Variants in SMAD9 observed in about 807,000 individuals in gnomAD.
SMAD9 encodes the protein SMAD family member 9, also known as MAD homolog 9.
A neutral mutation model predicts 46.1 loss-of-function variants in SMAD9; 36 were observed. The ratio of observed to expected loss-of-function variants is 0.78; its 90% CI spans 0.60 to 1.03. The LOEUF is 1.03. SMAD9 is among the 50% of genes least tolerant of loss of function. SMAD9 has a pLI of 0.00. For synonymous variants in SMAD9, 245 were observed against 237.1 expected, an observed-to-expected ratio of 1.03 and a Z score of -0.31; for missense variants, 572 against 599.8, an observed-to-expected ratio of 0.95 and a Z score of 0.48.
At chr13:36,891,359 C>G (rs2058487710) in intron 1 of SMAD9, among the ~76,000 whole-genome samples, 1 of 152,188 alleles carries the variant, frequency 6.6e-6, no homozygotes, top group Admixed American at 6.5e-5. Context: ...TTCAAAATCT[C>G]CATTGCCTAA....
chr13:36,878,639 T>C (rs2058370199), intron 2 of SMAD9, among the ~76,000 whole-genome samples: 1 of 152,218 alleles, frequency 6.6e-6, no homozygotes, highest in Non-Finnish European at 1.5e-5. Flanking sequence ...TTTTCAGACC[T>C]AGACATGAGA....
chr13:36,911,740 C>T (rs907740267), intron 1 of SMAD9, among the ~76,000 whole-genome samples: 4 of 144,386 alleles, frequency 2.8e-5, no homozygotes, highest in Non-Finnish European at 4.7e-5. Context: ...CAGAGTTTTG[C>T]TCTTGTTTCC....
At chr13:36,905,698 TG>T (rs1370449406) in intron 1 of SMAD9, among the ~76,000 whole-genome samples, 1 of 137,466 alleles carries the variant, frequency 7.3e-6, no homozygotes, top group Non-Finnish European at 1.5e-5. Context: ...CACTTGAGGC[TG>T]GGGAGTTCGA....
chr13:36,863,813 A>C (rs2058206335), intron 5 of SMAD9, among the ~76,000 whole-genome samples: 1 of 152,176 alleles, frequency 6.6e-6, no homozygotes, highest in South Asian at 2.1e-4. Context: ...AGCACATGCC[A>C]GTACAGCCTG....
chr13:36,848,931 A>T, intron 6 of SMAD9, 112 bp from the exon 7 acceptor site: 1 of 994,764 alleles, frequency 1.0e-6, no homozygotes, highest in Non-Finnish European at 1.5e-6. Context: ...AGCTCCTGAG[A>T]CCTGAGAGGG....
Position 36,879,460 on chromosome 13 carries a change from C to T in SMAD9, c.230G>A (p.Gly77Glu), listed in dbSNP as rs2058380950. The change falls in exon 2 of 7, where the codon GGG becomes GAG. Residue 77 changes from glycine (G) to glutamate (E), a missense_variant. By Grantham distance (98) the Gly-to-Glu change is moderately conservative. Transcript: ENST00000379826. Reference protein sequence around the residue: ...KCVTIPRSLDGRLQVSHRKGL... With the variant: ...KCVTIPRSLDERLQVSHRKGL... ...CTTGCGGTGGGACACCTGCAGCCGC[C>T]CGTCCAGGGAGCGGGGAATCGTGAC... 1 of 1,613,818 alleles carries T rather than the reference C, an allele frequency of 6.2e-7. No individual in the cohort carries two copies. The highest frequency in any genetic ancestry group is 8.5e-7 in the Non-Finnish European group (1 of 1,180,036).
chr13:36,918,999 G>C (rs192581684), intron 1 of SMAD9, among the ~76,000 whole-genome samples: 1 of 152,264 alleles, frequency 6.6e-6, no homozygotes, highest in Admixed American at 6.5e-5. Flanking sequence ...CCACCGAAAT[G>C]GTACTAGTAA....
chr13:36,913,289 T>C (rs2058675187), intron 1 of SMAD9, among the ~76,000 whole-genome samples: 1 of 152,196 alleles, frequency 6.6e-6, no homozygotes, highest in African/African-American at 2.4e-5. Context: ...CTAACTACAC[T>C]ATGAAATCCT....
intron 5 of SMAD9, among the ~76,000 whole-genome samples, chr13:36,862,977 T>C (rs2058197557): frequency 1.3e-5 from 2 of 152,342 alleles, no homozygotes; most frequent in Non-Finnish European, 2.9e-5. Flanking sequence ...CACTGTTGCA[T>C]CCCTCGTGTC....
At chr13:36,872,605 T>C in intron 3 of SMAD9, 53 bp downstream of exon 3, 1 of 1,587,802 alleles carries the variant, frequency 6.3e-7, no homozygotes, top group Non-Finnish European at 8.6e-7. Flanking sequence ...TCATAAATCA[T>C]GATGTTGGGC....
At chr13:36,866,752 A>C (rs1351399997) in intron 4 of SMAD9, among the ~76,000 whole-genome samples, 1 of 152,156 alleles carries the variant, frequency 6.6e-6, no homozygotes, top group Non-Finnish European at 1.5e-5. Flanking sequence ...AACAATGTAG[A>C]TTCTTGGACC....
At chr13:36,867,807 G>A (rs1185785612) in intron 3 of SMAD9, among the ~76,000 whole-genome samples, 1 of 152,102 alleles carries the variant, frequency 6.6e-6, no homozygotes, top group Non-Finnish European at 1.5e-5. Context: ...CCACGGGGAC[G>A]CTCTATCCCT....
intron 1 of SMAD9, among the ~76,000 whole-genome samples, chr13:36,891,883 T>G (rs974093930): frequency 3.3e-5 from 5 of 152,214 alleles, no homozygotes; most frequent in African/African-American, 1.2e-4. Flanking sequence ...CAAGCACTTC[T>G]TTAGATTTGC....
chr13:36,876,637 A>T (rs981879802), intron 2 of SMAD9, among the ~76,000 whole-genome samples: 1 of 152,234 alleles, frequency 6.6e-6, no homozygotes, highest in African/African-American at 2.4e-5. Flanking sequence ...TTAAAAAAAT[A>T]AAAACTGATC....
In SMAD9 at chr13:36,879,485, C is replaced by T. The variant is rs144183937; in HGVS notation, c.205G>A (p.Val69Ile). 3.1e-6 allele frequency: 5 copies of T among 1,613,862 alleles called. No individual in the cohort carries two copies. Among genetic ancestry groups the T allele is most frequent in the African/African-American group, 2.7e-5 (2 of 74,950 alleles). The change falls in exon 2 of 7, where the codon GTC becomes ATC. Residue 69 changes from valine (V) to isoleucine (I), a missense_variant. Physicochemically the swap from Val to Ile is conservative, Grantham distance 29. Transcript: ENST00000379826. Reference sequence around the variant, plus strand: ...CCGTCCAGGGAGCGGGGAATCGTGACGCATTTGCTGGGCTGCCCCGGGCAG... The same window carrying T: ...CCGTCCAGGGAGCGGGGAATCGTGATGCATTTGCTGGGCTGCCCCGGGCAG... ...LSCPGQPSKC[V>I]TIPRSLDGRL...
chr13:36,919,660 G>T lies in SMAD9; in HGVS notation c.-187+456C>A, dbSNP rs1367086799. 2.0e-5 allele frequency among the ~76,000 whole-genome samples: 3 copies of T among 148,062 alleles called. No homozygotes were observed. In the East Asian group the frequency reaches 6.0e-4, roughly 30 times the overall value. On this transcript the variant is annotated intron_variant, in intron 1 of 6. Coordinates refer to ENST00000379826, the MANE Select transcript of SMAD9 (RefSeq NM_001127217.3). ...CCCTCAGGCGCCTATCCTGGTCCCT[G>T]CCCACGCCCCGGGCCCCAGCCCCGA...
At position 36,865,664 on chromosome 13, in the gene SMAD9, G is replaced by A. The variant is rs374668463; in HGVS notation, c.876C>T (p.Ser292=). ...ACCCATCTATGAGCACACTTCGGGAGGAAGCCTGGAATGTCTCCCCAACTC... is the reference window on the plus strand; with the variant it reads ...ACCCATCTATGAGCACACTTCGGGAAGAAGCCTGGAATGTCTCCCCAACTC... ...NNRVGETFQA[S]SRSVLIDGFT... The change falls in exon 5 of 7, where the codon TCC becomes TCT. Residue 292 remains serine, a synonymous_variant. Transcript: ENST00000379826. 11 of 1,614,014 alleles carry A rather than the reference G, an allele frequency of 6.8e-6. No homozygotes were observed. The highest frequency in any genetic ancestry group is 9.3e-6 in the Non-Finnish European group (11 of 1,180,010).
intron 1 of SMAD9, among the ~76,000 whole-genome samples, chr13:36,905,123 C>A (rs994316854): frequency 6.6e-6 from 1 of 152,198 alleles, no homozygotes; most frequent in Non-Finnish European, 1.5e-5. Flanking sequence ...GGAGGTGCCA[C>A]TGGCCTCTAG....
intron 1 of SMAD9, among the ~76,000 whole-genome samples, chr13:36,912,475 A>G (rs1368690085): frequency 1.3e-5 from 2 of 152,206 alleles, no homozygotes; most frequent in Non-Finnish European, 2.9e-5. Flanking sequence ...GGCAAGTAAT[A>G]GGTGCACTAT....
Sources: gnomAD v4.1 joint callset for allele counts (sites outside exome capture counted in the v4.1 genomes callset) on GRCh38, gnomAD v4.1.1 for gene constraint, MANE v1.5 for transcripts, NCBI Gene and HGNC (gene_info 2026-07-23, HGNC 2026-07-21) for gene names.